Variants in MIPOL1 observed in about 807,000 individuals in gnomAD.
MIPOL1 encodes the protein mirror-image polydactyly 1, also known as mirror-image polydactyly gene 1 protein.
A neutral mutation model predicts 60.9 loss-of-function variants in MIPOL1; 57 were observed. That is an observed-to-expected ratio of 0.94 (90% CI 0.76 to 1.17). The LOEUF (loss-of-function observed/expected upper bound fraction) is 1.17, where lower values mean the gene tolerates loss of function less well. Among genes scored for constraint, MIPOL1 ranks in the 50% most tolerant of loss-of-function variants. The probability of loss-of-function intolerance (pLI) is 0.00; values close to 1 mark genes in which losing one functional copy is unlikely to be tolerated. For missense variants in MIPOL1, 551 were observed against 511.6 expected (o/e 1.08, Z -0.74); for synonymous variants, 179 against 168.8 (o/e 1.06, Z -0.47).
rs533671171 is a variant in MIPOL1 at position 37,394,622 on chromosome 14, TCTTA to T, written c.936+25001_936+25004del. On this transcript the variant is annotated intron_variant, in intron 10 of 12. Transcript: ENST00000684589. Reference sequence around the variant, plus strand: ...TTTTGATGGGATTGTTTGTTTTTTTTCTTACTGATTTGTTTGAGCTCGTTGTAGA... The same window carrying T: ...TTTTGATGGGATTGTTTGTTTTTTTTCTGATTTGTTTGAGCTCGTTGTAGA... 6.6e-5 allele frequency among the ~76,000 whole-genome samples: 10 copies of T among 152,258 alleles called. No homozygotes were observed. The South Asian group carries it at 2.1e-3, about 32-fold the overall frequency.
intron 1 of MIPOL1, among the ~76,000 whole-genome samples, chr14:37,220,933 G>A (rs1330981052): frequency 1.3e-5 from 2 of 151,968 alleles, no homozygotes; most frequent in Non-Finnish European, 2.9e-5. Flanking sequence ...GCACCACCAC[G>A]CCCAGCTAAT....
At chr14:37,213,962 T>C (rs945159397) in intron 1 of MIPOL1, among the ~76,000 whole-genome samples, 4 of 152,192 alleles carry the variant, frequency 2.6e-5, no homozygotes, top group East Asian at 1.9e-4. Flanking sequence ...TACCCTAGGA[T>C]AGTATATCTG....
intron 12 of MIPOL1, among the ~76,000 whole-genome samples, chr14:37,523,848 A>G (rs918230043): frequency 5.3e-5 from 8 of 152,206 alleles, no homozygotes; most frequent in African/African-American, 1.4e-4. Context: ...CTAGGAAAGT[A>G]TAACAGGCAG....
chr14:37,241,553 A>G, intron 1 of MIPOL1, among the ~76,000 whole-genome samples: 1 of 104,612 alleles, frequency 9.6e-6, no homozygotes, highest in African/African-American at 3.8e-5. Context: ...ACTGGTCTCT[A>G]TTACGGGTGC....
chr14:37,422,834 TA>T lies in MIPOL1; in HGVS notation c.937-17del. On this transcript the variant is annotated intron_variant, in intron 10 of 12. Coordinates refer to ENST00000684589, the MANE Select transcript of MIPOL1 (RefSeq NM_001388067.1). ...ATACCAAAATGAATACTGAATTTCT[TA>T]AAATATTAATTACTTTTAGGCAAAG... The T allele has an allele frequency of 6.6e-7, 1 of 1,513,530 alleles. No homozygotes were observed. The highest frequency in any genetic ancestry group is 9.1e-7 in the Non-Finnish European group (1 of 1,101,872). 93.8% of individuals were successfully genotyped at this position (1,513,530 alleles called of 1,614,324 possible). A position where few individuals can be genotyped will look rare whatever the true frequency, so the allele number is the denominator to read the frequency against.
At chr14:37,458,669 C>A (rs1346255206) in intron 11 of MIPOL1, among the ~76,000 whole-genome samples, 1 of 150,960 alleles carries the variant, frequency 6.6e-6, no homozygotes, top group Non-Finnish European at 1.5e-5. Context: ...AAAAAAAATA[C>A]ACACACACAC....
chr14:37,450,040 T>G (rs1029904497), intron 11 of MIPOL1, among the ~76,000 whole-genome samples: 1 of 152,200 alleles, frequency 6.6e-6, no homozygotes, highest in Non-Finnish European at 1.5e-5. Context: ...CTCGAACTCC[T>G]GACATCAACT....
chr14:37,266,849 T>C (rs17106526), intron 3 of MIPOL1, 89 bp from the exon 4 acceptor site: 59,007 of 852,408 alleles, frequency 0.069, 3,831 homozygotes, highest in East Asian at 0.29. Flanking sequence ...AGCTAAAGAG[T>C]GTTTCCAAAA....
intron 11 of MIPOL1, among the ~76,000 whole-genome samples, chr14:37,477,964 G>A (rs554186384): frequency 6.6e-6 from 1 of 152,202 alleles, no homozygotes; most frequent in African/African-American, 2.4e-5. Flanking sequence ...TGTCTAAATG[G>A]TCTGCAGATG....
chr14:37,462,051 T>C (rs1196968254), intron 11 of MIPOL1, among the ~76,000 whole-genome samples: 1 of 152,182 alleles, frequency 6.6e-6, no homozygotes, highest in Non-Finnish European at 1.5e-5. Context: ...CACATTTCCC[T>C]TCTGCACTGC....
At chr14:37,304,986 ATTATT>A (rs944255185) in intron 7 of MIPOL1, among the ~76,000 whole-genome samples, 4 of 151,822 alleles carry the variant, frequency 2.6e-5, no homozygotes, top group Non-Finnish European at 4.4e-5. Flanking sequence ...AACACCAACT[ATTATT>A]TTAAGTCTTT....
At chr14:37,447,425 A>G (rs1445362841) in intron 11 of MIPOL1, among the ~76,000 whole-genome samples, 1 of 152,132 alleles carries the variant, frequency 6.6e-6, no homozygotes, top group African/African-American at 2.4e-5. Flanking sequence ...AAAGATGCCC[A>G]TCACACTTTT....
At chr14:37,219,905 G>T (rs1968455117) in intron 1 of MIPOL1, among the ~76,000 whole-genome samples, 1 of 149,686 alleles carries the variant, frequency 6.7e-6, no homozygotes. Flanking sequence ...TACTTATTTA[G>T]TTTGAGTAAT....
chr14:37,371,965 A>G (rs1474401819), intron 10 of MIPOL1, among the ~76,000 whole-genome samples: 2 of 152,102 alleles, frequency 1.3e-5, no homozygotes, highest in Non-Finnish European at 1.5e-5. Context: ...TGTAAGTATC[A>G]TTTTTTGGTT....
Position 37,308,563 on chromosome 14 carries a change from C to G in MIPOL1, c.828+44C>G, listed in dbSNP as rs538452840. ...GTAAAAGCATATACTTACCATTTTCCTCTCTATTTTTTTAACCATTAAAAA... is the reference window on the plus strand; with the variant it reads ...GTAAAAGCATATACTTACCATTTTCGTCTCTATTTTTTTAACCATTAAAAA... On this transcript the variant is annotated intron_variant, in intron 9 of 12. Coordinates refer to ENST00000684589, the MANE Select transcript of MIPOL1 (RefSeq NM_001388067.1). The G allele has an allele frequency of 2.2e-6, 3 of 1,369,990 alleles. No homozygotes were observed. In the East Asian group the frequency reaches 7.9e-5, roughly 36 times the overall value. 84.9% of individuals were successfully genotyped at this position (1,369,990 alleles called of 1,614,324 possible).
At chr14:37,362,928 G>A (rs894502760) in intron 9 of MIPOL1, among the ~76,000 whole-genome samples, 8 of 152,062 alleles carry the variant, frequency 5.3e-5, no homozygotes, top group African/African-American at 1.7e-4. Context: ...CATGTGTCAC[G>A]ACATTCTTGT....
intron 12 of MIPOL1, among the ~76,000 whole-genome samples, chr14:37,511,906 T>C (rs139800479): frequency 2.6e-5 from 4 of 152,222 alleles, no homozygotes; most frequent in African/African-American, 9.6e-5. Context: ...GACAAAGAGA[T>C]ATAGAAAAAT....
chr14:37,451,849 C>T (rs1371416624), intron 11 of MIPOL1, among the ~76,000 whole-genome samples: 1 of 119,786 alleles, frequency 8.3e-6, no homozygotes, highest in Non-Finnish European at 1.5e-5. Flanking sequence ...GAGTCTCGCT[C>T]TGTGGCCCAG....
chr14:37,478,615 T>C (rs188142510), intron 11 of MIPOL1, among the ~76,000 whole-genome samples: 1 of 151,918 alleles, frequency 6.6e-6, no homozygotes, highest in Non-Finnish European at 1.5e-5. Context: ...AAAGAGGACA[T>C]AGAGTGGCTG....
Sources: gnomAD v4.1 joint callset for allele counts (sites outside exome capture counted in the v4.1 genomes callset) on GRCh38, gnomAD v4.1.1 for gene constraint, MANE v1.5 for transcripts, NCBI Gene and HGNC (gene_info 2026-07-23, HGNC 2026-07-21) for gene names.